The following PCDHGA10 variants were observed in gnomAD, a reference collection of about 807,000 sequenced individuals.
The protein encoded by PCDHGA10 is protocadherin gamma-A10.
PCDHGA10 carries 42 observed loss-of-function variants against 59.5 expected under a neutral mutation model. The observed-to-expected ratio is 0.71, with a 90% confidence interval of 0.55 to 0.91. PCDHGA10 has a LOEUF of 0.91. Among genes scored for constraint, PCDHGA10 ranks in the 40% least tolerant of loss-of-function variants. The probability of loss-of-function intolerance (pLI) is 0.00; values close to 1 mark genes in which losing one functional copy is unlikely to be tolerated. For missense variants in PCDHGA10, 1,111 were observed against 1,198.2 expected, an observed-to-expected ratio of 0.93 and a Z score of 1.07; for synonymous variants, 511 against 517.2, an observed-to-expected ratio of 0.99 and a Z score of 0.16.
chr5:141,468,230 TAGG>T (rs1451844939), intron 1 of PCDHGA10, among the ~76,000 whole-genome samples: 9 of 141,220 alleles, frequency 6.4e-5, no homozygotes, highest in South Asian at 2.2e-4. Context: ...GAGGATGAGG[TAGG>T]AGAATTGCCT....
In PCDHGA10 at chr5:141,489,461, A is replaced by G. The variant is rs1329676538; in HGVS notation, c.2437-5346A>G. 5.0e-6 allele frequency: 8 copies of G among 1,613,832 alleles called. No homozygotes were observed. The highest frequency in any genetic ancestry group is 6.8e-6 in the Non-Finnish European group (8 of 1,179,986). On this transcript the variant is annotated intron_variant, in intron 1 of 3. Transcript: ENST00000398610. This position sits in a 1 kb window ranked among gnomAD's most constrained non-coding sequence, Gnocchi z 4.5. ...TTGGGCTCTGAGGAGAATGGGCGCT[A>G]TTTTTCCCTGAGCTTGATGAGTGGT...
intron 1 of PCDHGA10, among the ~76,000 whole-genome samples, chr5:141,425,417 G>A (rs1238708306): frequency 2.0e-5 from 3 of 152,162 alleles, no homozygotes; most frequent in East Asian, 3.9e-4. Context: ...ATAACATATA[G>A]TCCCATTAAA....
chr5:141,456,783 C>G (rs1400541298), intron 1 of PCDHGA10, among the ~76,000 whole-genome samples: 3 of 151,802 alleles, frequency 2.0e-5, no homozygotes, highest in African/African-American at 4.8e-5. Flanking sequence ...GCCTACATGG[C>G]AAAACCCCAT....
At chr5:141,430,771 G>A (rs772862341) in intron 1 of PCDHGA10, 37 of 1,506,734 alleles carry the variant, frequency 2.5e-5, no homozygotes, top group Non-Finnish European at 2.7e-5. Flanking sequence ...TGATTCCTGC[G>A]CGACTGCACC....
At chr5:141,429,486 A>C (rs2097218130) in intron 1 of PCDHGA10, among the ~76,000 whole-genome samples, 1 of 152,114 alleles carries the variant, frequency 6.6e-6, no homozygotes, top group Non-Finnish European at 1.5e-5. Context: ...AGTAGCTGAG[A>C]CTACAGTTGC....
intron 3 of PCDHGA10, among the ~76,000 whole-genome samples, chr5:141,506,621 G>A (rs143369587): frequency 1.3e-5 from 2 of 152,178 alleles, no homozygotes; most frequent in African/African-American, 4.8e-5. Flanking sequence ...GTGTTACCAG[G>A]GCCAAATGCA....
At chr5:141,416,794 G>A (rs1002101061) in intron 1 of PCDHGA10, 1 of 152,070 alleles carries the variant, frequency 6.6e-6, no homozygotes, top group East Asian at 1.9e-4. Flanking sequence ...ACTAAATGTG[G>A]TAGTATAAAG....
chr5:141,489,101 T>A lies in PCDHGA10; in HGVS notation c.2437-5706T>A. 2 of 398,380 alleles carry A rather than the reference T, an allele frequency of 5.0e-6. No individual in the cohort carries two copies. Among genetic ancestry groups the A allele is most frequent in the Non-Finnish European group, 9.0e-6 (2 of 223,310 alleles). The allele number at this position is 398,380 out of a possible 1,614,324, so 24.7% of individuals were successfully genotyped here. ...CCGCCACTCGGTGACTAAGAACTGC[T>A]GCAAGCAGGCAAACCTCCGAGCAGT... On this transcript the variant is annotated intron_variant, in intron 1 of 3. Coordinates refer to ENST00000398610, the MANE Select transcript of PCDHGA10 (RefSeq NM_018913.3). This position sits in a 1 kb window ranked among gnomAD's most constrained non-coding sequence, Gnocchi z 4.5.
intron 1 of PCDHGA10, among the ~76,000 whole-genome samples, chr5:141,488,563 C>T (rs1352750895): frequency 1.3e-5 from 2 of 152,134 alleles, no homozygotes; most frequent in Admixed American, 6.6e-5. Flanking sequence ...TTGAGATTTC[C>T]GCAAAGCATT....
chr5:141,438,074 T>C (rs963146682), intron 1 of PCDHGA10, among the ~76,000 whole-genome samples: 10 of 152,116 alleles, frequency 6.6e-5, no homozygotes, highest in African/African-American at 2.4e-4. Flanking sequence ...CCATACTTAA[T>C]GGAAAATTAC....
At position 141,432,834 on chromosome 5, in the gene PCDHGA10, A is replaced by G; in HGVS notation, c.2436+17223A>G. 6.2e-7 allele frequency: 1 copy of G among 1,614,082 alleles called. No homozygotes were observed. The highest frequency in any genetic ancestry group is 8.5e-7 in the Non-Finnish European group (1 of 1,179,978). ...TCTGAAACCTCAGACCTCACTCTGTACCTGGTGGTAGCGGTGGCCGCGGTC... is the reference window on the plus strand; with the variant it reads ...TCTGAAACCTCAGACCTCACTCTGTGCCTGGTGGTAGCGGTGGCCGCGGTC... On this transcript the variant is annotated intron_variant, in intron 1 of 3. Transcript: ENST00000398610. This position sits in a 1 kb window ranked among gnomAD's most constrained non-coding sequence, Gnocchi z 6.0.
At chr5:141,454,871 G>A (rs1337911223) in intron 1 of PCDHGA10, among the ~76,000 whole-genome samples, 2 of 129,030 alleles carry the variant, frequency 1.6e-5, no homozygotes, top group Non-Finnish European at 3.1e-5. Context: ...GCAGTGGCAC[G>A]ATCTTGGCTC....
intron 1 of PCDHGA10, chr5:141,479,217 A>G (rs1433108919): frequency 1.3e-5 from 2 of 152,400 alleles, no homozygotes; most frequent in Non-Finnish European, 2.9e-5. Context: ...TTAAAAAATT[A>G]AAACTATAAT....
chr5:141,432,665 G>A lies in PCDHGA10; in HGVS notation c.2436+17054G>A. 1 of 1,613,896 alleles carries A rather than the reference G, an allele frequency of 6.2e-7. No individual in the cohort carries two copies. Among genetic ancestry groups the A allele is most frequent in the Non-Finnish European group, 8.5e-7 (1 of 1,179,956 alleles). On this transcript the variant is annotated intron_variant, in intron 1 of 3. Coordinates refer to ENST00000398610, the MANE Select transcript of PCDHGA10 (RefSeq NM_018913.3). The surrounding 1 kb of genome is among the most constrained non-coding windows in gnomAD (Gnocchi z 6.0). ...CACGGCGCGAGCCCTGCTGGACAGA[G>A]ACGCGCTCAAGCAGAGCCTCGTAGT... is the stretch of plus-strand genomic sequence containing the variant.
chr5:141,427,381 T>G (rs1315804574), intron 1 of PCDHGA10: 1 of 458,822 alleles, frequency 2.2e-6, no homozygotes, highest in Middle Eastern at 3.2e-4. Context: ...GTGATCACTC[T>G]GTTCAAAACA....
chr5:141,468,801 A>G (rs949203275), intron 1 of PCDHGA10, among the ~76,000 whole-genome samples: 15 of 151,736 alleles, frequency 9.9e-5, no homozygotes, highest in South Asian at 2.1e-4. Context: ...GGGAGGCGGA[A>G]CTTGCAGTGA....
At chr5:141,436,486 C>A (rs2097826645) in intron 1 of PCDHGA10, among the ~76,000 whole-genome samples, 1 of 152,152 alleles carries the variant, frequency 6.6e-6, no homozygotes. Flanking sequence ...AGAAGGATAG[C>A]AGCTTTGCAA....
chr5:141,451,565 C>A (rs1336048717), intron 1 of PCDHGA10, among the ~76,000 whole-genome samples: 2 of 152,062 alleles, frequency 1.3e-5, no homozygotes, highest in South Asian at 2.1e-4. Flanking sequence ...AAGCCACAAT[C>A]TTTTTATAAA....
At position 141,486,383 on chromosome 5, in the gene PCDHGA10, C is replaced by A. The variant is rs757384186; in HGVS notation, c.2437-8424C>A. On this transcript the variant is annotated intron_variant, in intron 1 of 3. Transcript: ENST00000398610. The surrounding 1 kb of genome is among the most constrained non-coding windows in gnomAD (Gnocchi z 5.0). ...TGCCCTCAAGTCTGCCTTCAGGAAC[C>A]AGTTCTCCCTGGTGACTGCTGGACC... The A allele has an allele frequency of 6.2e-7, 1 of 1,614,040 alleles. No homozygotes were observed. Among genetic ancestry groups the A allele is most frequent in the East Asian group, 2.2e-5 (1 of 44,884 alleles).
Sources: gnomAD v4.1 joint callset for allele counts (sites outside exome capture counted in the v4.1 genomes callset) on GRCh38, gnomAD v4.1.1 for gene constraint, Gnocchi (gnomAD v3.1) non-coding constraint, MANE v1.5 for transcripts, NCBI Gene and HGNC (gene_info 2026-07-23, HGNC 2026-07-21) for gene names.